The following KIAA2013 variants were observed in gnomAD, a reference collection of about 807,000 sequenced individuals.
The protein encoded by KIAA2013 is KIAA2013, also known as uncharacterized protein KIAA2013.
A neutral mutation model predicts 39.9 loss-of-function variants in KIAA2013; 20 were observed. The observed-to-expected ratio is 0.50, with a 90% CI of 0.35 to 0.73. The LOEUF is 0.73. Among genes scored for constraint, KIAA2013 ranks in the 30% least tolerant of loss-of-function variants. The pLI is 0.01. For missense variants in KIAA2013, 587 were observed against 856.1 expected, an observed-to-expected ratio of 0.69 and a Z score of 3.92; for synonymous variants, 336 against 416.6, an observed-to-expected ratio of 0.81 and a Z score of 2.35.
chr1:11,920,210 C>G lies in KIAA2013; in HGVS notation c.*105G>C, dbSNP rs1645466453. ...GCGTCACCGGTTTCCCCCAACAAGG[C>G]ACAAAGGGCGGGTGCTTCCAAAGGA... is the stretch of plus-strand genomic sequence containing the variant. On this transcript the variant is annotated 3_prime_UTR_variant, in exon 3 of 3. Transcript: ENST00000376572. 2 of 1,247,658 alleles carry G rather than the reference C, an allele frequency of 1.6e-6. No homozygotes were observed. Among genetic ancestry groups the G allele is most frequent in the Admixed American group, 1.7e-5 (1 of 59,440 alleles). 77.3% of individuals were successfully genotyped at this position (1,247,658 alleles called of 1,614,324 possible). A position where few individuals can be genotyped will look rare whatever the true frequency, so the allele number is the denominator to read the frequency against.
Position 11,925,630 on chromosome 1 carries a change from A to T in KIAA2013, c.608T>A (p.Leu203Gln). ...GGGGTTGTTGAGCTGGATGCGCTGC[A>T]GGTAGACGTGGGGTCGGCCCCTGTG... ...LAHRGRPHVY[L>Q]QRIQLNNPTE... Residue 203 changes from leucine to glutamine, a missense_variant, in exon 1 of 3, where the codon CTG becomes CAG. Coordinates refer to ENST00000376572, the MANE Select transcript of KIAA2013 (RefSeq NM_138346.3). This position sits in a 1 kb window ranked among gnomAD's most constrained non-coding sequence, Gnocchi z 5.2. The T allele has an allele frequency of 6.2e-7, 1 of 1,609,396 alleles. No homozygotes were observed. The highest frequency in any genetic ancestry group is 8.5e-7 in the Non-Finnish European group (1 of 1,179,312).
Position 11,923,592 on chromosome 1 carries a change from TAATGATAA to T in KIAA2013, c.1034-111_1034-104del. ...AGCAGAAGAGTGAGGTGTTGTGCCT[TAATGATAA>T]AGACAGTGGTGCCCATCTCCCTAAA... On this transcript the variant is annotated intron_variant, in intron 1 of 2. Coordinates refer to ENST00000376572, the MANE Select transcript of KIAA2013 (RefSeq NM_138346.3). This position sits in a 1 kb window ranked among gnomAD's most constrained non-coding sequence, Gnocchi z 4.6. The T allele has an allele frequency of 8.1e-7, 1 of 1,235,856 alleles. No homozygotes were observed. The highest frequency in any genetic ancestry group is 1.1e-6 in the Non-Finnish European group (1 of 875,702). 76.6% of individuals were successfully genotyped at this position (1,235,856 alleles called of 1,614,324 possible). A position where few individuals can be genotyped will look rare whatever the true frequency, so the allele number is the denominator to read the frequency against.
Position 11,925,098 on chromosome 1 carries a change from G to A in KIAA2013, c.1033+107C>T, listed in dbSNP as rs1645497709. ...CAGTTGAGCAGATTCAACCACTGGT[G>A]AAACGCCAAGCCCAAGTTTCAACCA... On this transcript the variant is annotated intron_variant, in intron 1 of 2. Transcript: ENST00000376572. The surrounding 1 kb of genome is among the most constrained non-coding windows in gnomAD (Gnocchi z 5.2). 9.4e-7 allele frequency: 1 copy of A among 1,067,538 alleles called. No homozygotes were observed. Among genetic ancestry groups the A allele is most frequent in the Admixed American group, 2.9e-5 (1 of 34,950 alleles). 66.1% of individuals were successfully genotyped at this position (1,067,538 alleles called of 1,614,324 possible).
chr1:11,921,225 A>G (rs143439093), intron 2 of KIAA2013, among the ~76,000 whole-genome samples: 2,559 of 152,280 alleles, frequency 0.017, 62 homozygotes, highest in Non-Finnish European at 0.019. Context: ...GCGGCAGGGC[A>G]CAGTAGGCAG....
At chr1:11,921,083 G>GA in intron 2 of KIAA2013, among the ~76,000 whole-genome samples, 1 of 88,380 alleles carries the variant, frequency 1.1e-5, no homozygotes, top group African/African-American at 6.2e-5. Context: ...GGGAGGAGAC[G>GA]GGATACAGGA....
At position 11,926,107 on chromosome 1, in the gene KIAA2013, G is replaced by C; in HGVS notation, c.131C>G (p.Ala44Gly). The change falls in exon 1 of 3, where the codon GCG (alanine) becomes GGG (glycine). Residue 44 changes from alanine (A) to glycine (G), a missense_variant. Physicochemically the swap from Ala to Gly is moderately conservative, Grantham distance 60. Transcript: ENST00000376572. ...WFGGSGARRA[A>G]GGLHLLPWSR... is the part of the protein sequence containing the mutation. ...CCAGGGCAGCAGGTGCAGGCCGCCC[G>C]CCGCCCGCCGCGCGCCGGACCCCCC... 7.1e-7 allele frequency: 1 copy of C among 1,407,800 alleles called. No homozygotes were observed. 87.2% of individuals were successfully genotyped at this position (1,407,800 alleles called of 1,614,324 possible).
Position 11,926,238 on chromosome 1 carries a change from C to G in KIAA2013, c.-1G>C, listed in dbSNP as rs1367931576. 8.4e-7 allele frequency: 1 copy of G among 1,184,062 alleles called. No homozygotes were observed. Among genetic ancestry groups the G allele is most frequent in the African/African-American group, 1.6e-5 (1 of 61,722 alleles). The allele number at this position is 1,184,062 out of a possible 1,614,324, so 73.3% of individuals were successfully genotyped here. A position where few individuals can be genotyped will look rare whatever the true frequency, so the allele number is the denominator to read the frequency against. On this transcript the variant is annotated 5_prime_UTR_variant, in exon 1 of 3. Coordinates refer to ENST00000376572, the MANE Select transcript of KIAA2013 (RefSeq NM_138346.3). ...CCTTGAGCCGCTGCTGCAGCCACATCGGGCCGCCAGGCGCGGGCAAGGGTG... is the reference window on the plus strand; with the variant it reads ...CCTTGAGCCGCTGCTGCAGCCACATGGGGCCGCCAGGCGCGGGCAAGGGTG...
chr1:11,921,216 C>G lies in KIAA2013; in HGVS notation c.1888-884G>C, dbSNP rs1008427255. On this transcript the variant is annotated intron_variant, in intron 2 of 2. Coordinates refer to ENST00000376572, the MANE Select transcript of KIAA2013 (RefSeq NM_138346.3). Reference sequence around the variant, plus strand: ...TCCTGAGGAAGCACAGAAGGCCGGGCGGCAGGGCACAGTAGGCAGCCTCAC... The same window carrying G: ...TCCTGAGGAAGCACAGAAGGCCGGGGGGCAGGGCACAGTAGGCAGCCTCAC... Among the ~76,000 whole-genome samples the G allele has an allele frequency of 4.1e-4, 62 of 152,264 alleles. 1 individual carries two copies. The highest frequency in any genetic ancestry group is 6.0e-4 in the African/African-American group (25 of 41,536).
At chr1:11,922,399 G>A (rs953505558) in intron 2 of KIAA2013, 2 of 1,440,728 alleles carry the variant, frequency 1.4e-6, no homozygotes, top group African/African-American at 2.9e-5. Flanking sequence ...GGGAGGAGGG[G>A]AGGGCTGCCC....
At chr1:11,924,521 C>T (rs1004565543) in intron 1 of KIAA2013, among the ~76,000 whole-genome samples, 1 of 152,114 alleles carries the variant, frequency 6.6e-6, no homozygotes, top group Admixed American at 6.6e-5. Context: ...TGCACCCCCC[C>T]ATGCATAGAA....
In KIAA2013 at chr1:11,925,895, C is replaced by T. The variant is rs916957852; in HGVS notation, c.343G>A (p.Glu115Lys). The T allele has an allele frequency of 6.6e-7, 1 of 1,526,482 alleles. No individual in the cohort carries two copies. The highest frequency in any genetic ancestry group is 1.4e-5 in the African/African-American group (1 of 71,138). The allele number at this position is 1,526,482 out of a possible 1,614,324, so 94.6% of individuals were successfully genotyped here. Reference sequence around the variant, plus strand: ...ACAAAGTCCGGCGCCACGGCGGGCTCCCGCTCCCCGGGAGTCACCCACAGC... The same window carrying T: ...ACAAAGTCCGGCGCCACGGCGGGCTTCCGCTCCCCGGGAGTCACCCACAGC... ...NRLWVTPGER[E>K]PAVAPDFVPF... Residue 115 changes from glutamate (E) to lysine (K), a missense_variant, in exon 1 of 3, where the codon GAG becomes AAG. Glu to Lys is a moderately conservative substitution (Grantham distance 56). Transcript: ENST00000376572. This position sits in a 1 kb window ranked among gnomAD's most constrained non-coding sequence, Gnocchi z 5.2.
chr1:11,925,848 C>G lies in KIAA2013; in HGVS notation c.390G>C (p.Pro130=). 2 of 1,532,194 alleles carry G rather than the reference C, an allele frequency of 1.3e-6. No homozygotes were observed. The highest frequency in any genetic ancestry group is 1.7e-6 in the Non-Finnish European group (2 of 1,146,582). The allele number at this position is 1,532,194 out of a possible 1,614,324, so 94.9% of individuals were successfully genotyped here. ...PDFVPFVQLR[P]LSALAEAGEA... is the part of the protein sequence containing the mutation. ...CTCCAGCTTCAGCCAGCGCGCTCAG[C>G]GGGCGCAGCTGCACGAAGGGCACAA... The change falls in exon 1 of 3, where the codon CCG becomes CCC. Residue 130 remains proline, a synonymous_variant. Transcript: ENST00000376572. This position sits in a 1 kb window ranked among gnomAD's most constrained non-coding sequence, Gnocchi z 5.2.
intron 2 of KIAA2013, 105 bp downstream of exon 2, chr1:11,922,531 T>C: frequency 6.4e-7 from 1 of 1,555,120 alleles, no homozygotes; most frequent in Non-Finnish European, 8.7e-7. Context: ...AGGACACCCA[T>C]TCCTGCCCAG....
chr1:11,922,349 C>T, intron 2 of KIAA2013: 1 of 1,423,374 alleles, frequency 7.0e-7, no homozygotes, highest in Non-Finnish European at 9.1e-7. Flanking sequence ...GCCACCACAC[C>T]CAGCTTGCAG....
intron 2 of KIAA2013, 74 bp from the exon 3 acceptor site, chr1:11,920,406 G>A (rs189475214): frequency 1.7e-5 from 25 of 1,497,392 alleles, no homozygotes; most frequent in Non-Finnish European, 2.1e-5. Flanking sequence ...AATAGGCTAC[G>A]GAGACAACCC....
In KIAA2013 at chr1:11,923,110, C is replaced by T; in HGVS notation, c.1413G>A (p.Gln471=). 1 of 1,609,856 alleles carries T rather than the reference C, an allele frequency of 6.2e-7. No individual in the cohort carries two copies. Among genetic ancestry groups the T allele is most frequent in the Non-Finnish European group, 8.5e-7 (1 of 1,176,792 alleles). The change falls in exon 2 of 3, where the codon CAG becomes CAA. Residue 471 remains glutamine, a synonymous_variant. Transcript: ENST00000376572. This position sits in a 1 kb window ranked among gnomAD's most constrained non-coding sequence, Gnocchi z 4.6. Reference sequence around the variant, plus strand: ...TGTTGTGCAGCACGTCGGGGTCGGCCTGGAACTGGAGGTGGTTCTCTGTGA... The same window carrying T: ...TGTTGTGCAGCACGTCGGGGTCGGCTTGGAACTGGAGGTGGTTCTCTGTGA... The part of the protein sequence containing the change: ...LQFTENHLQF[Q]ADPDVLHNSY...
rs775167988 is a variant in KIAA2013, at chr1:11,923,513, G to C, written c.1034-24C>G. 6.2e-7 allele frequency: 1 copy of C among 1,600,240 alleles called. No individual in the cohort carries two copies. Among genetic ancestry groups the C allele is most frequent in the East Asian group, 2.2e-5 (1 of 44,868 alleles). On this transcript the variant is annotated intron_variant, in intron 1 of 2. Transcript: ENST00000376572. The surrounding 1 kb of genome is among the most constrained non-coding windows in gnomAD (Gnocchi z 4.6). Reference sequence around the variant, plus strand: ...TCCTGCAACACCATGAAAGCGGCATGTTAAGGGGGAAGGACAGCTGGGAGG... The same window carrying C: ...TCCTGCAACACCATGAAAGCGGCATCTTAAGGGGGAAGGACAGCTGGGAGG...
chr1:11,921,875 T>C (rs1172489754), intron 2 of KIAA2013, among the ~76,000 whole-genome samples: 1 of 151,986 alleles, frequency 6.6e-6, no homozygotes, highest in African/African-American at 2.4e-5. Flanking sequence ...TTAGACAGGG[T>C]CTCACTCTGT....
rs1474155503 is a variant in KIAA2013, at chr1:11,925,299, G to C, written c.939C>G (p.Asp313Glu). The change falls in exon 1 of 3, where the codon GAC becomes GAG. Residue 313 changes from aspartate (D) to glutamate (E), a missense_variant. Transcript: ENST00000376572. This position sits in a 1 kb window ranked among gnomAD's most constrained non-coding sequence, Gnocchi z 5.2. ...GCTCCAGCATTTCCTTCCGTGCCAA[G>C]TCCTGCAGCGCCTTGAGCTCCTTGG... Reference protein sequence around the residue: ...KAAKELKALQDLARKEMLELL... With the variant: ...KAAKELKALQELARKEMLELL... The C allele has an allele frequency of 1.9e-6, 3 of 1,613,542 alleles. No individual in the cohort carries two copies. In the African/African-American group the frequency reaches 4.0e-5, roughly 22 times the overall value.
Sources: gnomAD v4.1 joint callset for allele counts (sites outside exome capture counted in the v4.1 genomes callset) on GRCh38, gnomAD v4.1.1 for gene constraint, Gnocchi (gnomAD v3.1) non-coding constraint, MANE v1.5 for transcripts, NCBI Gene and HGNC (gene_info 2026-07-23, HGNC 2026-07-21) for gene names.